CROT: variants seen among roughly 807,000 people sequenced by gnomAD.
CROT encodes the protein carnitine O-octanoyltransferase, also known as peroxisomal carnitine O-octanoyltransferase.
CROT carries 84 observed loss-of-function variants against 89.2 expected under a neutral mutation model. The observed-to-expected ratio is 0.94, with a 90% CI of 0.79 to 1.13. The LOEUF is 1.13. Ranked by LOEUF, CROT falls within the 50% of genes most tolerant of loss-of-function variation. The pLI is 0.00. For synonymous variants in CROT, 212 were observed against 239.5 expected (o/e 0.89, Z 1.06); for missense variants, 711 against 727.8 (o/e 0.98, Z 0.27).
At position 87,398,517 on chromosome 7, in the gene CROT, T is replaced by G. The variant is rs746222306; in HGVS notation, c.1719-7T>G. 6.2e-7 allele frequency: 1 copy of G among 1,613,502 alleles called. No individual in the cohort carries two copies. Among genetic ancestry groups the G allele is most frequent in the South Asian group, 1.1e-5 (1 of 91,050 alleles). On this transcript the variant is annotated splice_polypyrimidine_tract_variant and splice_region_variant and intron_variant, in intron 17 of 17. Coordinates refer to ENST00000331536, the MANE Select transcript of CROT (RefSeq NM_021151.4). ...TGTAATCATTAATCATTATTTATGC[T>G]TCACAGGTTTGTTGTGGCCTGTTCA...
chr7:87,353,427 G>A (rs1397801064), intron 3 of CROT, among the ~76,000 whole-genome samples: 1 of 152,098 alleles, frequency 6.6e-6, no homozygotes, highest in Non-Finnish European at 1.5e-5. Context: ...GGGATTACAG[G>A]TGTGAGCCAC....
rs115825623 is a variant in CROT at position 87,379,045 on chromosome 7, C to G, written c.978+1595C>G. On this transcript the variant is annotated intron_variant, in intron 10 of 17. Coordinates refer to ENST00000331536, the MANE Select transcript of CROT (RefSeq NM_021151.4). ...ATTGCCTCAGTTTTCTTCTCTTCAG[C>G]TCCTCATTTGATTCTCCTTGACCTT... is the stretch of plus-strand genomic sequence containing the variant. Among the ~76,000 whole-genome samples the G allele has an allele frequency of 5.6e-3, 848 of 152,230 alleles. 10 individuals carry two copies. Among genetic ancestry groups the G allele is most frequent in the African/African-American group, 0.017 (707 of 41,542 alleles).
At chr7:87,356,944 C>T (rs1206836884) in intron 3 of CROT, among the ~76,000 whole-genome samples, 4 of 152,148 alleles carry the variant, frequency 2.6e-5, no homozygotes, top group African/African-American at 9.7e-5. Flanking sequence ...ATCGCCTGAA[C>T]CTGGGAGGCG....
chr7:87,347,366 A>C (rs778450219), intron 2 of CROT, among the ~76,000 whole-genome samples: 1 of 152,226 alleles, frequency 6.6e-6, no homozygotes, highest in African/African-American at 2.4e-5. Context: ...TTTCACAGGC[A>C]TTGAAAACAA....
At chr7:87,366,377 G>T (rs1273611596) in intron 6 of CROT, among the ~76,000 whole-genome samples, 4 of 151,772 alleles carry the variant, frequency 2.6e-5, no homozygotes, top group Non-Finnish European at 4.4e-5. Flanking sequence ...ATGCCTTCAG[G>T]TTATATCACC....
intron 2 of CROT, among the ~76,000 whole-genome samples, chr7:87,347,996 G>A (rs141518487): frequency 2.2e-4 from 33 of 152,304 alleles, no homozygotes; most frequent in Non-Finnish European, 3.1e-4. Context: ...TAAAGCAGAG[G>A]AAAACAGGTA....
rs1294709677 is a variant in CROT, at chr7:87,398,904, A to G, written c.*260A>G. 5.5e-6 allele frequency: 2 copies of G among 360,860 alleles called. No homozygotes were observed. Among genetic ancestry groups the G allele is most frequent in the Non-Finnish European group, 1.0e-5 (2 of 199,358 alleles). 22.4% of individuals were successfully genotyped at this position (360,860 alleles called of 1,614,324 possible). Reference sequence around the variant, plus strand: ...GTGAATATAGAACTATGCAGTATTTAAGCCTCAACAATCCAAATCTACAAA... The same window carrying G: ...GTGAATATAGAACTATGCAGTATTTGAGCCTCAACAATCCAAATCTACAAA... On this transcript the variant is annotated 3_prime_UTR_variant, in exon 18 of 18. Coordinates refer to ENST00000331536, the MANE Select transcript of CROT (RefSeq NM_021151.4).
At chr7:87,377,153 CT>C (rs1221566757) in intron 9 of CROT, among the ~76,000 whole-genome samples, 195 bp from the exon 10 acceptor site, 1 of 152,062 alleles carries the variant, frequency 6.6e-6, no homozygotes, top group Non-Finnish European at 1.5e-5. Flanking sequence ...TGAGAAGCCC[CT>C]AAAGTCAGGG....
intron 3 of CROT, chr7:87,357,678 A>T: frequency 1.5e-6 from 1 of 655,644 alleles, no homozygotes; most frequent in Non-Finnish European, 2.7e-6. Context: ...AAGCAAAGGA[A>T]GGCACCATCC....
At chr7:87,351,427 G>A (rs1040810160) in intron 3 of CROT, among the ~76,000 whole-genome samples, 1 of 152,060 alleles carries the variant, frequency 6.6e-6, no homozygotes, top group Non-Finnish European at 1.5e-5. Context: ...TAAGCCTGAG[G>A]TTGATGAAAG....
At chr7:87,349,216 T>G (rs755900759) in intron 3 of CROT, 33 bp downstream of exon 3, 1 of 1,073,894 alleles carries the variant, frequency 9.3e-7, no homozygotes, top group Non-Finnish European at 1.3e-6. Context: ...TATATTAATA[T>G]TATTAGTAAC....
chr7:87,372,362 T>G (rs540919164), intron 7 of CROT, among the ~76,000 whole-genome samples: 2 of 152,336 alleles, frequency 1.3e-5, no homozygotes, highest in South Asian at 2.1e-4. Flanking sequence ...TGCTTTTGTA[T>G]CTTGGATAAT....
At chr7:87,355,646 G>A (rs1401677136) in intron 3 of CROT, among the ~76,000 whole-genome samples, 2 of 152,066 alleles carry the variant, frequency 1.3e-5, no homozygotes, top group Non-Finnish European at 2.9e-5. Flanking sequence ...AGCACAGGGC[G>A]ACATGTGTCA....
chr7:87,379,026 T>A (rs1010579275), intron 10 of CROT, among the ~76,000 whole-genome samples: 2 of 152,198 alleles, frequency 1.3e-5, no homozygotes, highest in Non-Finnish European at 2.9e-5. Context: ...GTTAATTGCC[T>A]CAGTTTTCTT....
At chr7:87,381,039 C>G (rs1454108196) in intron 10 of CROT, among the ~76,000 whole-genome samples, 1 of 152,142 alleles carries the variant, frequency 6.6e-6, no homozygotes, top group African/African-American at 2.4e-5. Context: ...TCCGCTGGGC[C>G]ATGATACAGG....
chr7:87,349,773 T>C lies in CROT; in HGVS notation c.115+590T>C, dbSNP rs118123295. ...TGTTACTCTGGCTCTCCTGAGCTCC[T>C]GCTTCCCCAACATTTCCCCCTCTAC... On this transcript the variant is annotated intron_variant, in intron 3 of 17. Transcript: ENST00000331536. Among the ~76,000 whole-genome samples, 12 of 152,250 alleles carry C rather than the reference T, an allele frequency of 7.9e-5. No homozygotes were observed. The East Asian group carries it at 2.3e-3, about 29-fold the overall frequency.
chr7:87,395,046 G>T (rs1317165218), intron 17 of CROT, among the ~76,000 whole-genome samples: 1 of 152,090 alleles, frequency 6.6e-6, no homozygotes, highest in Non-Finnish European at 1.5e-5. Flanking sequence ...ATTAGTCAGG[G>T]TTCTCTACAG....
chr7:87,381,370 C>T (rs31628), intron 10 of CROT, among the ~76,000 whole-genome samples: 3,208 of 152,302 alleles, frequency 0.021, 118 homozygotes, highest in African/African-American at 0.072. Context: ...CCCAGCCTAT[C>T]TTTCCCACAT....
At chr7:87,368,349 A>G (rs968379263) in intron 6 of CROT, among the ~76,000 whole-genome samples, 9 of 151,948 alleles carry the variant, frequency 5.9e-5, no homozygotes, top group African/African-American at 2.2e-4. Context: ...CCAGCCCTAA[A>G]CTTTGAAAGG....
Sources: gnomAD v4.1 joint callset for allele counts (sites outside exome capture counted in the v4.1 genomes callset) on GRCh38, gnomAD v4.1.1 for gene constraint, MANE v1.5 for transcripts, NCBI Gene and HGNC (gene_info 2026-07-23, HGNC 2026-07-21) for gene names.